The following CABYR variants were observed in gnomAD, a reference collection of about 807,000 sequenced individuals.
The protein encoded by CABYR is calcium-binding tyrosine phosphorylation-regulated protein.
CABYR carries 31 observed loss-of-function variants against 36.1 expected under a neutral mutation model. The ratio of observed to expected loss-of-function variants is 0.86; its 90% CI spans 0.64 to 1.16. The LOEUF is 1.16. CABYR is among the 50% of genes most tolerant of loss of function. CABYR has a pLI of 0.00. For synonymous variants in CABYR, 146 were observed against 160.7 expected (o/e 0.91, Z 0.69); for missense variants, 429 against 455.8 (o/e 0.94, Z 0.53).
intron 4 of CABYR, chr18:24,156,999 G>A: frequency 6.3e-7 from 1 of 1,591,824 alleles, no homozygotes; most frequent in African/African-American, 1.3e-5. Context: ...GATGAAGCCA[G>A]GTAAGAAAAT....
At chr18:24,159,326 G>A (rs951006912) in intron 4 of CABYR, 146 bp from the exon 5 acceptor site, 2 of 641,226 alleles carry the variant, frequency 3.1e-6, no homozygotes, top group East Asian at 2.7e-5. Context: ...TGTCAAACAC[G>A]ATTATGCAGC....
intron 4 of CABYR, among the ~76,000 whole-genome samples, chr18:24,157,531 T>G (rs187412875): frequency 1.2e-4 from 18 of 152,284 alleles, no homozygotes; most frequent in Non-Finnish European, 2.6e-4. Context: ...GCCTGGGAGC[T>G]TCCTGCAGCT....
rs778498292 is a variant in CABYR at position 24,143,231 on chromosome 18, T to A, written c.117T>A (p.Ala39=). 1.4e-5 allele frequency: 22 copies of A among 1,613,798 alleles called. No individual in the cohort carries two copies. Among genetic ancestry groups the A allele is most frequent in the Non-Finnish European group, 1.5e-5 (18 of 1,179,918 alleles). The change falls in exon 2 of 6, where the codon GCT becomes GCA. Residue 39 remains alanine, a synonymous_variant. Transcript: ENST00000399496. ...CAAACATCAACCAGTTTGCAGCAGC[T>A]TATTTTCAAGAACTTACTATGTATA... ...NPSNINQFAA[A]YFQELTMYRG...
At chr18:24,156,904 C>CTAG in intron 4 of CABYR, 1 of 1,614,132 alleles carries the variant, frequency 6.2e-7, no homozygotes, top group Middle Eastern at 1.7e-4. Flanking sequence ...GTAAAGTCAT[C>CTAG]TAGTGGCCCC....
At chr18:24,148,358 C>T (rs1049569273) in intron 3 of CABYR, among the ~76,000 whole-genome samples, 1 of 152,172 alleles carries the variant, frequency 6.6e-6, no homozygotes, top group Non-Finnish European at 1.5e-5. Context: ...TGGTTTATCA[C>T]CTGGGGCTGG....
Position 24,159,962 on chromosome 18 carries a change from A to C in CABYR, c.1032A>C (p.Lys344Asn). Residue 344 changes from lysine to asparagine, a missense_variant, in exon 5 of 6, where the codon AAA becomes AAC. Coordinates refer to ENST00000399496, the MANE Select transcript of CABYR (RefSeq NM_153769.3). ...VAFPVEDVAK[K>N]SSGSGDKCAP... ...TCCCAGTAGAAGATGTAGCTAAAAAAAGTTCAGGATCTGGTGACAAATGTG... is the reference window on the plus strand; with the variant it reads ...TCCCAGTAGAAGATGTAGCTAAAAACAGTTCAGGATCTGGTGACAAATGTG... 1 of 1,614,182 alleles carries C rather than the reference A, an allele frequency of 6.2e-7. No individual in the cohort carries two copies. Among genetic ancestry groups the C allele is most frequent in the South Asian group, 1.1e-5 (1 of 91,074 alleles).
Position 24,142,318 on chromosome 18 carries a change from C to CA in CABYR, c.-24-763dup, listed in dbSNP as rs1406615833. ...TGGGTGGCAGAGCGAGACTCCATCT[C>CA]AAAAAAAAAAGCAGCATGTCTGAGA... On this transcript the variant is annotated intron_variant, in intron 1 of 5. Coordinates refer to ENST00000399496, the MANE Select transcript of CABYR (RefSeq NM_153769.3). Among the ~76,000 whole-genome samples, 580 of 139,192 alleles carry CA rather than the reference C, an allele frequency of 4.2e-3. 3 individuals are homozygous for CA. The highest frequency in any genetic ancestry group is 0.014 in the African/African-American group (518 of 37,706). 91.3% of individuals were successfully genotyped at this position (139,192 alleles called of 152,430 possible).
At chr18:24,152,273 T>A (rs1378271005) in intron 3 of CABYR, among the ~76,000 whole-genome samples, 1 of 152,244 alleles carries the variant, frequency 6.6e-6, no homozygotes, top group Non-Finnish European at 1.5e-5. Context: ...ATTTAGAGTT[T>A]ATTCAGTGCT....
intron 1 of CABYR, among the ~76,000 whole-genome samples, chr18:24,140,892 C>T (rs1175717616): frequency 2.0e-5 from 3 of 152,138 alleles, no homozygotes; most frequent in Admixed American, 6.5e-5. Flanking sequence ...TTTTTAATGG[C>T]TGAATAGTAC....
chr18:24,161,183 T>TAAG (rs1017619169), intron 5 of CABYR, among the ~76,000 whole-genome samples: 1 of 152,172 alleles, frequency 6.6e-6, no homozygotes, highest in African/African-American at 2.4e-5. Context: ...GTGGGAATTT[T>TAAG]AAGTTGAGCA....
chr18:24,160,104 T>G, intron 5 of CABYR, 35 bp downstream of exon 5: 52 of 1,330,498 alleles, frequency 3.9e-5, no homozygotes, highest in Non-Finnish European at 5.0e-5. Flanking sequence ...ATTTAGGCCT[T>G]AACACACGCG....
At chr18:24,157,923 C>G (rs1025539637) in intron 4 of CABYR, among the ~76,000 whole-genome samples, 1 of 152,222 alleles carries the variant, frequency 6.6e-6, no homozygotes, top group African/African-American at 2.4e-5. Context: ...TGACTCTTAA[C>G]TGAGCCAGAG....
intron 3 of CABYR, among the ~76,000 whole-genome samples, chr18:24,147,655 A>C (rs1297175252): frequency 6.6e-6 from 1 of 152,144 alleles, no homozygotes. Context: ...GGTTTAAAAA[A>C]GTACAGATAC....
At chr18:24,157,212 A>C (rs1318242012) in intron 4 of CABYR, among the ~76,000 whole-genome samples, 1 of 152,218 alleles carries the variant, frequency 6.6e-6, no homozygotes, top group Non-Finnish European at 1.5e-5. Flanking sequence ...GCCTGGCCTC[A>C]GAGTTTGGTC....
At chr18:24,155,661 T>C in intron 3 of CABYR, 40 bp from the exon 4 acceptor site, 1 of 1,409,232 alleles carries the variant, frequency 7.1e-7, no homozygotes, top group Non-Finnish European at 9.7e-7. Context: ...CTAAAAATCT[T>C]TTTAGATGTT....
chr18:24,156,974 A>G, intron 4 of CABYR: 1 of 1,607,122 alleles, frequency 6.2e-7, no homozygotes, highest in Non-Finnish European at 8.5e-7. Flanking sequence ...GGGAATCAAC[A>G]GCTGAATAAG....
intron 3 of CABYR, chr18:24,150,692 A>G (rs892704093): frequency 2.5e-6 from 1 of 404,672 alleles, no homozygotes; most frequent in East Asian, 1.6e-4. Flanking sequence ...TAAATTCTTA[A>G]AAGATTACGT....
intron 3 of CABYR, among the ~76,000 whole-genome samples, chr18:24,147,078 GGCCACGAGTTTGAGACCA>G (rs1327299206): frequency 6.6e-6 from 1 of 151,944 alleles, no homozygotes; most frequent in African/African-American, 2.4e-5. Context: ...GATCACTTGA[GGCCACGAGTTTGAGACCA>G]GCCTCAGCAA....
intron 3 of CABYR, among the ~76,000 whole-genome samples, chr18:24,147,324 T>TAC (rs1599377560): frequency 6.8e-6 from 1 of 146,138 alleles, no homozygotes; most frequent in East Asian, 2.0e-4. Context: ...TAGGAATGGG[T>TAC]ACACACACAA....
Sources: gnomAD v4.1 joint callset for allele counts (sites outside exome capture counted in the v4.1 genomes callset) on GRCh38, gnomAD v4.1.1 for gene constraint, MANE v1.5 for transcripts, NCBI Gene and HGNC (gene_info 2026-07-23, HGNC 2026-07-21) for gene names.